ZNF106: variants seen among roughly 807,000 people sequenced by gnomAD.
ZNF106 encodes the protein SH3-domain binding protein 3.
Under a neutral mutation model 195.1 loss-of-function variants are expected in ZNF106, and 67 were observed. That is an observed-to-expected ratio of 0.34 (90% CI 0.28 to 0.42). The LOEUF is 0.42. Ranked by LOEUF, ZNF106 falls within the 10% of genes least tolerant of loss-of-function variation. The pLI, the probability that ZNF106 is intolerant of heterozygous loss-of-function variation, is 1.00. For missense variants in ZNF106, 2,118 were observed against 2,304.5 expected (o/e 0.92, Z 1.66); for synonymous variants, 784 against 818.6 (o/e 0.96, Z 0.72).
At position 42,451,090 on chromosome 15, in the gene ZNF106, C is replaced by T; in HGVS notation, c.1182G>A (p.Lys394=). The T allele has an allele frequency of 6.2e-7, 1 of 1,614,192 alleles. No individual in the cohort carries two copies. Among genetic ancestry groups the T allele is most frequent in the South Asian group, 1.1e-5 (1 of 91,082 alleles). Residue 394 remains lysine (K), a synonymous_variant, in exon 5 of 22, where the codon AAG becomes AAA. Coordinates refer to ENST00000564754, the MANE Select transcript of ZNF106 (RefSeq NM_001366845.3). Reference sequence around the variant, plus strand: ...AGAGAGGTTTCTCTATCATTTCTGACTTGTTACCAGTGATGTCTTTCAATC... The same window carrying T: ...AGAGAGGTTTCTCTATCATTTCTGATTTGTTACCAGTGATGTCTTTCAATC... The part of the protein sequence containing the change: ...QSGLKDITGN[K]SEMIEKPLFD...
At chr15:42,433,262 C>A (rs931097217) in intron 14 of ZNF106, among the ~76,000 whole-genome samples, 1 of 151,792 alleles carries the variant, frequency 6.6e-6, no homozygotes, top group African/African-American at 2.4e-5. Flanking sequence ...CCTGCCACCA[C>A]GCCTGGCTAA....
At chr15:42,460,715 C>T (rs958012821) in intron 3 of ZNF106, among the ~76,000 whole-genome samples, 6 of 152,094 alleles carry the variant, frequency 3.9e-5, no homozygotes, top group African/African-American at 1.4e-4. Flanking sequence ...ACAAAATTAG[C>T]CGGGTGTGGT....
intron 14 of ZNF106, among the ~76,000 whole-genome samples, chr15:42,432,601 G>C (rs2055092914): frequency 6.6e-6 from 1 of 152,016 alleles, no homozygotes. Flanking sequence ...GCCTGGGCAT[G>C]GTGGTGCATG....
chr15:42,484,643 C>T (rs1428095297), intron 1 of ZNF106, among the ~76,000 whole-genome samples: 1 of 152,178 alleles, frequency 6.6e-6, no homozygotes, highest in Non-Finnish European at 1.5e-5. Flanking sequence ...GAAGCTTACG[C>T]ACGAGAATTG....
chr15:42,470,228 T>C (rs1885961922), intron 2 of ZNF106, among the ~76,000 whole-genome samples: 2 of 152,204 alleles, frequency 1.3e-5, no homozygotes, highest in Admixed American at 6.6e-5. Context: ...AGGGATACCT[T>C]ACACAGCTTT....
At chr15:42,460,935 A>G (rs1046350192) in intron 3 of ZNF106, among the ~76,000 whole-genome samples, 2 of 152,146 alleles carry the variant, frequency 1.3e-5, no homozygotes, top group African/African-American at 4.8e-5. Flanking sequence ...TATAAATAAA[A>G]TCCAGTTTAA....
Position 42,439,672 on chromosome 15 carries a change from G to A in ZNF106, c.3905C>T (p.Ser1302Phe), listed in dbSNP as rs369479708. ...AAGACCAGCTGATTGGGAAGAGGGA[G>A]AGTTTTCTCTGTTTCTGGTATTTCT... Reference protein sequence around the residue: ...EQRNTRNRENSPSSQSAGLSS... With the variant: ...EQRNTRNRENFPSSQSAGLSS... The change falls in exon 11 of 22, where the codon TCT becomes TTT. Residue 1302 changes from serine to phenylalanine, a missense_variant. Physicochemically the swap from Ser to Phe is radical, Grantham distance 155. Coordinates refer to ENST00000564754, the MANE Select transcript of ZNF106 (RefSeq NM_001366845.3). 1 of 1,613,992 alleles carries A rather than the reference G, an allele frequency of 6.2e-7. No individual in the cohort carries two copies. Among genetic ancestry groups the A allele is most frequent in the Admixed American group, 1.7e-5 (1 of 59,980 alleles).
intron 5 of ZNF106, among the ~76,000 whole-genome samples, 195 bp downstream of exon 5, chr15:42,449,576 C>T (rs1189634956): frequency 6.6e-6 from 1 of 152,212 alleles, no homozygotes; most frequent in Non-Finnish European, 1.5e-5. Context: ...TTAACCTGCA[C>T]TCTCTGCTAG....
chr15:42,477,415 T>C (rs1420595314), intron 1 of ZNF106, among the ~76,000 whole-genome samples: 2 of 152,244 alleles, frequency 1.3e-5, no homozygotes, highest in African/African-American at 2.4e-5. Context: ...GTGGCAAAGA[T>C]AGAGATAGTA....
intron 10 of ZNF106, chr15:42,441,821 C>T (rs1462125978): frequency 1.9e-5 from 6 of 312,430 alleles, no homozygotes; most frequent in African/African-American, 8.6e-5. Flanking sequence ...TAAATGGAAC[C>T]TTGTGGGTGC....
In ZNF106 at chr15:42,433,545, T is replaced by C. The variant is rs148472089; in HGVS notation, c.4881+1839A>G. ...TCGCCCAGGCTGGAGTGCAGTGGCA[T>C]GATCTTGGCTCACTGAAATCTCTGC... On this transcript the variant is annotated intron_variant, in intron 14 of 21. Coordinates refer to ENST00000564754, the MANE Select transcript of ZNF106 (RefSeq NM_001366845.3). Among the ~76,000 whole-genome samples the C allele has an allele frequency of 2.1e-4, 31 of 150,016 alleles. No homozygotes were observed. In the East Asian group the frequency reaches 5.9e-3, roughly 28 times the overall value.
At position 42,413,332 on chromosome 15, in the gene ZNF106, G is replaced by A. The variant is rs1043787556; in HGVS notation, c.*3972C>T. The A allele has an allele frequency of 2.6e-5, 4 of 152,138 alleles. No homozygotes were observed. Among genetic ancestry groups the A allele is most frequent in the South Asian group, 2.1e-4 (1 of 4,824 alleles). 9.4% of individuals were successfully genotyped at this position (152,138 alleles called of 1,614,324 possible). The stretch of plus-strand genomic sequence containing the variant: ...CTATTAGACCACTTCTCTTAAACCC[G>A]AGGAACCTGATGATTTGGGGGCAGG... On this transcript the variant is annotated 3_prime_UTR_variant, in exon 22 of 22. Transcript: ENST00000564754.
chr15:42,482,195 C>T (rs1000078351), intron 1 of ZNF106, among the ~76,000 whole-genome samples: 3 of 152,072 alleles, frequency 2.0e-5, no homozygotes, highest in Non-Finnish European at 4.4e-5. Context: ...AATACATTTT[C>T]CTTTATATCA....
intron 20 of ZNF106, among the ~76,000 whole-genome samples, chr15:42,418,633 C>T (rs1271001575): frequency 6.7e-6 from 1 of 149,856 alleles, no homozygotes; most frequent in Non-Finnish European, 1.5e-5. Context: ...CCCATCTTGG[C>T]CTCCCAAAGT....
Position 42,451,036 on chromosome 15 carries a change from T to A in ZNF106, c.1236A>T (p.Ile412=). The change falls in exon 5 of 22, where the codon ATA becomes ATT. Residue 412 remains isoleucine (I), a synonymous_variant. Transcript: ENST00000564754. ...LFDFSLITTG[I]QEPQTDETRN... ...GTGTTTCATCAGTTTGGGGCTCCTG[T>A]ATTCCTGTAGTTATCAAGCTAAAAT... The A allele has an allele frequency of 1.2e-6, 2 of 1,614,238 alleles. No homozygotes were observed. Among genetic ancestry groups the A allele is most frequent in the Non-Finnish European group, 1.7e-6 (2 of 1,180,044 alleles).
At chr15:42,476,422 G>A (rs182876201) in intron 1 of ZNF106, among the ~76,000 whole-genome samples, 2 of 152,258 alleles carry the variant, frequency 1.3e-5, no homozygotes, top group African/African-American at 4.8e-5. Flanking sequence ...AGGTGACTGA[G>A]AAGTGACAAA....
chr15:42,440,341 T>C (rs372635619), intron 10 of ZNF106, among the ~76,000 whole-genome samples: 2 of 152,170 alleles, frequency 1.3e-5, no homozygotes, highest in South Asian at 2.1e-4. Flanking sequence ...CAATGCAGTG[T>C]TACACAGAAT....
At chr15:42,445,815 T>TA (rs1262577754) in intron 7 of ZNF106, among the ~76,000 whole-genome samples, 2 of 152,232 alleles carry the variant, frequency 1.3e-5, no homozygotes, top group Non-Finnish European at 2.9e-5. Context: ...CTTCCAGGAC[T>TA]AGCCCTTATA....
At chr15:42,419,399 G>A (rs1302883850) in intron 20 of ZNF106, among the ~76,000 whole-genome samples, 2 of 151,962 alleles carry the variant, frequency 1.3e-5, no homozygotes, top group East Asian at 1.9e-4. Context: ...AAAATTAGCT[G>A]GGCATAGTGG....
Sources: gnomAD v4.1 joint callset for allele counts (sites outside exome capture counted in the v4.1 genomes callset) on GRCh38, gnomAD v4.1.1 for gene constraint, MANE v1.5 for transcripts, NCBI Gene and HGNC (gene_info 2026-07-23, HGNC 2026-07-21) for gene names.